TUBB4A: variants seen among roughly 807,000 people sequenced by gnomAD.
TUBB4A encodes the protein tubulin beta 4A class IVa.
A neutral mutation model predicts 35.1 loss-of-function variants in TUBB4A; 13 were observed. That is an observed-to-expected ratio of 0.37 (90% CI 0.24 to 0.59). The LOEUF is 0.59. Among genes scored for constraint, TUBB4A ranks in the 20% least tolerant of loss-of-function variants. The pLI is 0.71. For missense variants in TUBB4A, 299 were observed against 647.2 expected (o/e 0.46, Z 5.84); for synonymous variants, 279 against 272.4 (o/e 1.02, Z -0.24).
At chr19:6,498,937 T>C (rs1264604519) in intron 3 of TUBB4A, among the ~76,000 whole-genome samples, 2 of 152,080 alleles carry the variant, frequency 1.3e-5, no homozygotes, top group Non-Finnish European at 2.9e-5. Flanking sequence ...ATTGGCCAAA[T>C]GGTGTGAGTG....
intron 1 of TUBB4A, 149 bp downstream of exon 1, chr19:6,502,007 A>T: frequency 1.2e-6 from 1 of 806,192 alleles, no homozygotes; most frequent in Non-Finnish European, 1.8e-6. Context: ...CCACCCCGCG[A>T]CCCTTCCCCC....
chr19:6,502,110 C>T (rs749694690), intron 1 of TUBB4A, 46 bp downstream of exon 1: 17 of 1,521,006 alleles, frequency 1.1e-5, no homozygotes, highest in Non-Finnish European at 1.5e-5. Flanking sequence ...CCCCGCGGTG[C>T]TCCCCGGGGC....
upstream of TUBB4A, chr19:6,502,505 G>A: frequency 2.4e-6 from 1 of 411,410 alleles, no homozygotes; most frequent in Non-Finnish European, 4.3e-6. Context: ...CCCCTGCCTT[G>A]GGGGTGAGGC....
At chr19:6,502,088 TCCGGGGA>T (rs1914559374) in intron 1 of TUBB4A, 61 bp downstream of exon 1, 1 of 1,481,704 alleles carries the variant, frequency 6.7e-7, no homozygotes, top group African/African-American at 1.4e-5. Flanking sequence ...TGCGGGGTGC[TCCGGGGA>T]CCGACCCCGC....
Position 6,495,266 on chromosome 19 carries a change from G to A in TUBB4A, c.1233C>T (p.Ala411=), listed in dbSNP as rs138128036. ...ATACCAGGTCATTCATGTTGCTCTC[G>A]GCCTCGGTGAACTCCATCTCGTCCA... ...EGMDEMEFTE[A]ESNMNDLVSE... The change falls in exon 4 of 4, where the codon GCC becomes GCT. Residue 411 remains alanine, a synonymous_variant. Coordinates refer to ENST00000264071, the MANE Select transcript of TUBB4A (RefSeq NM_006087.4). This position sits in a 1 kb window ranked among gnomAD's most constrained non-coding sequence, Gnocchi z 8.7. The A allele has an allele frequency of 2.3e-5, 37 of 1,613,794 alleles. No homozygotes were observed. Among genetic ancestry groups the A allele is most frequent in the Non-Finnish European group, 3.1e-5 (36 of 1,179,864 alleles).
At position 6,501,315 on chromosome 19, in the gene TUBB4A, C is replaced by G; in HGVS notation, c.249G>C (p.Gln83His). Residue 83 changes from glutamine to histidine, a missense_variant, in exon 3 of 4, where the codon CAG becomes CAC. By Grantham distance (24) the Gln-to-His change is conservative (BLOSUM62 0). Transcript: ENST00000264071. The surrounding 1 kb of genome is among the most constrained non-coding windows in gnomAD (Gnocchi z 4.2). ...ACACGAAGTTGTCCGGCCGAAAGAT[C>G]TGACCGAAGGGGCCAGAACGGACAG... ...MDSVRSGPFG[Q>H]IFRPDNFVFG... 1 of 1,614,122 alleles carries G rather than the reference C, an allele frequency of 6.2e-7. No individual in the cohort carries two copies. Among genetic ancestry groups the G allele is most frequent in the Non-Finnish European group, 8.5e-7 (1 of 1,179,962 alleles).
chr19:6,501,564 G>C lies in TUBB4A; in HGVS notation c.117C>G (p.Asp39Glu). 6.2e-7 allele frequency: 1 copy of C among 1,614,160 alleles called. No homozygotes were observed. Among genetic ancestry groups the C allele is most frequent in the Non-Finnish European group, 8.5e-7 (1 of 1,180,012 alleles). Residue 39 changes from aspartate (D) to glutamate (E), a missense_variant, in exon 2 of 4, where the codon GAC becomes GAG. Coordinates refer to ENST00000264071, the MANE Select transcript of TUBB4A (RefSeq NM_006087.4). This position sits in a 1 kb window ranked among gnomAD's most constrained non-coding sequence, Gnocchi z 4.2. ...GIDPTGTYHG[D>E]SDLQLERINV... Reference sequence around the variant, plus strand: ...TGATCCTCTCCAGTTGCAGGTCACTGTCCCCATGGTATGTGCCTGTGGGGT... The same window carrying C: ...TGATCCTCTCCAGTTGCAGGTCACTCTCCCCATGGTATGTGCCTGTGGGGT...
intron 3 of TUBB4A, among the ~76,000 whole-genome samples, chr19:6,499,639 A>G (rs1318240382): frequency 1.3e-5 from 2 of 152,200 alleles, no homozygotes; most frequent in African/African-American, 4.8e-5. Context: ...TCCGTCTTAA[A>G]CATCTTTCCT....
intron 3 of TUBB4A, among the ~76,000 whole-genome samples, chr19:6,497,281 A>G (rs1914294677): frequency 6.6e-6 from 1 of 151,698 alleles, no homozygotes; most frequent in Admixed American, 6.6e-5. Flanking sequence ...TATCATTTTC[A>G]GGCAGGGTCT....
Position 6,495,748 on chromosome 19 carries a change from G to C in TUBB4A, c.751C>G (p.Arg251Gly). ...RFPGQLNADL[R>G]KLAVNMVPFP... is the part of the protein sequence containing the mutation. The stretch of plus-strand genomic sequence containing the variant: ...GGAACCATGTTGACGGCCAGCTTGC[G>C]CAGGTCGGCGTTCAGCTGGCCCGGG... Residue 251 changes from arginine (R) to glycine (G), a missense_variant, in exon 4 of 4, where the codon CGC becomes GGC. Around this residue, in one of 5 missense-constraint regions of TUBB4A, gnomAD observed 51 missense variants for 100.3 expected, o/e 0.51. Transcript: ENST00000264071. The surrounding 1 kb of genome is among the most constrained non-coding windows in gnomAD (Gnocchi z 8.7). 1.2e-6 allele frequency: 2 copies of C among 1,614,150 alleles called. No individual in the cohort carries two copies. The highest frequency in any genetic ancestry group is 1.7e-6 in the Non-Finnish European group (2 of 1,180,012).
chr19:6,497,038 T>A (rs1339221344), intron 3 of TUBB4A, among the ~76,000 whole-genome samples: 35 of 44,344 alleles, frequency 7.9e-4, no homozygotes, highest in East Asian at 1.2e-3. Context: ...TATATATATA[T>A]ATATATATAT....
At chr19:6,498,491 A>G (rs1399600849) in intron 3 of TUBB4A, among the ~76,000 whole-genome samples, 5 of 152,086 alleles carry the variant, frequency 3.3e-5, no homozygotes, top group African/African-American at 1.2e-4. Context: ...CTTGGGGTCA[A>G]AGCCCAAATC....
rs3099129 is a variant in TUBB4A at position 6,494,904 on chromosome 19, C to G, written c.*260G>C. Reference sequence around the variant, plus strand: ...AAGTTAAAGGTGCGGTTTCCAGAGTCAGAAGGGGTGAAGCGGGGCTCCTCC... The same window carrying G: ...AAGTTAAAGGTGCGGTTTCCAGAGTGAGAAGGGGTGAAGCGGGGCTCCTCC... On this transcript the variant is annotated 3_prime_UTR_variant, in exon 4 of 4. Coordinates refer to ENST00000264071, the MANE Select transcript of TUBB4A (RefSeq NM_006087.4). 0.57 allele frequency: 325,350 copies of G among 570,170 alleles called. 95,935 individuals are homozygous for G. Among genetic ancestry groups the G allele is most frequent in the East Asian group, 0.75 (25,408 of 34,048 alleles). 35.3% of individuals were successfully genotyped at this position (570,170 alleles called of 1,614,324 possible). A position where few individuals can be genotyped will look rare whatever the true frequency, so the allele number is the denominator to read the frequency against.
chr19:6,495,394 C>G lies in TUBB4A; in HGVS notation c.1105G>C (p.Gly369Arg). Residue 369 changes from glycine to arginine, a missense_variant, in exon 4 of 4, where the codon GGC (glycine) becomes CGC (arginine). This residue lies in a region of TUBB4A where 125 missense variants were observed against 279.1 expected (regional missense o/e 0.45). Transcript: ENST00000264071. The surrounding 1 kb of genome is among the most constrained non-coding windows in gnomAD (Gnocchi z 8.7). ...RGLKMAATFI[G>R]NSTAIQELFK... is the part of the protein sequence containing the mutation. The stretch of plus-strand genomic sequence containing the variant: ...AGCTCCTGGATGGCCGTGCTGTTGC[C>G]GATGAAGGTCGCGGCCATCTTCAGG... The G allele has an allele frequency of 6.2e-7, 1 of 1,613,962 alleles. No individual in the cohort carries two copies. Among genetic ancestry groups the G allele is most frequent in the Non-Finnish European group, 8.5e-7 (1 of 1,180,010 alleles).
Position 6,495,252 on chromosome 19 carries a change from T to C in TUBB4A, c.1247A>G (p.Asn416Ser). 1 of 1,613,846 alleles carries C rather than the reference T, an allele frequency of 6.2e-7. No homozygotes were observed. The highest frequency in any genetic ancestry group is 1.1e-5 in the South Asian group (1 of 91,070). ...CTGCTGGTACTCAGATACCAGGTCA[T>C]TCATGTTGCTCTCGGCCTCGGTGAA... ...MEFTEAESNM[N>S]DLVSEYQQYQ... Residue 416 changes from asparagine to serine, a missense_variant, in exon 4 of 4, where the codon AAT becomes AGT. Transcript: ENST00000264071. The surrounding 1 kb of genome is among the most constrained non-coding windows in gnomAD (Gnocchi z 8.7).
intron 3 of TUBB4A, chr19:6,496,557 G>A (rs1192654068): frequency 4.9e-6 from 1 of 204,238 alleles, no homozygotes; most frequent in Non-Finnish European, 1.0e-5. Flanking sequence ...CGTGAACCCA[G>A]GAGGCGGAAC....
rs1458792117 is a variant in TUBB4A at position 6,502,280 on chromosome 19, G to T, written c.-68C>A. 1.0e-5 allele frequency: 15 copies of T among 1,453,464 alleles called. No homozygotes were observed. The highest frequency in any genetic ancestry group is 2.7e-6 in the Non-Finnish European group (3 of 1,108,818). 90.0% of individuals were successfully genotyped at this position (1,453,464 alleles called of 1,614,324 possible). Reference sequence around the variant, plus strand: ...GCGGGGAGCTGCGGCGGCGGCGAGGGTGGAAGATGCGGCGGAGACGGCGGA... The same window carrying T: ...GCGGGGAGCTGCGGCGGCGGCGAGGTTGGAAGATGCGGCGGAGACGGCGGA... On this transcript the variant is annotated 5_prime_UTR_variant, in exon 1 of 4. Transcript: ENST00000264071.
In TUBB4A at chr19:6,496,229, G is replaced by A. The variant is rs1914181099; in HGVS notation, c.278-8C>T. 2 of 1,598,692 alleles carry A rather than the reference G, an allele frequency of 1.3e-6. No homozygotes were observed. The highest frequency in any genetic ancestry group is 1.7e-6 in the Non-Finnish European group (2 of 1,170,368). ...TGCCGGCTCCGGATTGGCCTAGAGA[G>A]GGAAGGGGAGGGGACACACATGCAG... On this transcript the variant is annotated splice_region_variant and splice_polypyrimidine_tract_variant and intron_variant, in intron 3 of 3. Coordinates refer to ENST00000264071, the MANE Select transcript of TUBB4A (RefSeq NM_006087.4).
chr19:6,502,258 G>T lies in TUBB4A; in HGVS notation c.-46C>A. The T allele has an allele frequency of 1.4e-6, 2 of 1,480,700 alleles. No homozygotes were observed. Among genetic ancestry groups the T allele is most frequent in the Non-Finnish European group, 1.8e-6 (2 of 1,124,136 alleles). The allele number at this position is 1,480,700 out of a possible 1,614,324, so 91.7% of individuals were successfully genotyped here. A position where few individuals can be genotyped will look rare whatever the true frequency, so the allele number is the denominator to read the frequency against. The stretch of plus-strand genomic sequence containing the variant: ...ACGCGGCGGCGGTGGCACGAGCGCG[G>T]GGAGCTGCGGCGGCGGCGAGGGTGG... On this transcript the variant is annotated 5_prime_UTR_variant, in exon 1 of 4. Transcript: ENST00000264071.
Sources: gnomAD v4.1 joint callset for allele counts (sites outside exome capture counted in the v4.1 genomes callset) on GRCh38, gnomAD v4.1.1 for gene constraint, gnomAD v4.1.1 regional missense constraint, Gnocchi (gnomAD v3.1) non-coding constraint, MANE v1.5 for transcripts, NCBI Gene and HGNC (gene_info 2026-07-23, HGNC 2026-07-21) for gene names.